PTPRK: variants seen among roughly 807,000 people sequenced by gnomAD.
PTPRK encodes receptor-type tyrosine-protein phosphatase kappa.
Under a neutral mutation model 178.0 loss-of-function variants are expected in PTPRK, and 75 were observed. The ratio of observed to expected loss-of-function variants is 0.42; its 90% CI spans 0.35 to 0.51. The LOEUF is 0.51. Ranked by LOEUF, PTPRK falls within the 20% of genes least tolerant of loss-of-function variation. PTPRK has a pLI of 0.02. For synonymous variants in PTPRK, 637 were observed against 620.6 expected, an observed-to-expected ratio of 1.03 and a Z score of -0.39; for missense variants, 1,441 against 1,797.8, an observed-to-expected ratio of 0.80 and a Z score of 3.59.
At chr6:128,287,788 A>G (rs551730062) in intron 3 of PTPRK, among the ~76,000 whole-genome samples, 1 of 152,092 alleles carries the variant, frequency 6.6e-6, no homozygotes, top group South Asian at 2.1e-4. Flanking sequence ...CTTTTCCTGG[A>G]TCTCATTCCG....
At chr6:128,079,586 T>C (rs1420733454) in intron 10 of PTPRK, among the ~76,000 whole-genome samples, 1 of 152,070 alleles carries the variant, frequency 6.6e-6, no homozygotes. Context: ...TTACCTCAAA[T>C]AGCTTTGGAT....
intron 1 of PTPRK, among the ~76,000 whole-genome samples, chr6:128,512,517 C>CT (rs1329174279): frequency 6.6e-6 from 1 of 152,158 alleles, no homozygotes; most frequent in Non-Finnish European, 1.5e-5. Flanking sequence ...AGAGACAACA[C>CT]TGTTGAAACA....
intron 1 of PTPRK, among the ~76,000 whole-genome samples, chr6:128,509,991 T>G (rs2128442594): frequency 6.6e-6 from 1 of 152,300 alleles, no homozygotes; most frequent in Non-Finnish European, 1.5e-5. Flanking sequence ...TATTACAAAC[T>G]TCATCATTTA....
chr6:128,402,893 G>A lies in PTPRK; in HGVS notation c.101-5205C>T, dbSNP rs558823864. On this transcript the variant is annotated intron_variant, in intron 1 of 29. Transcript: ENST00000368226. ...GAAGAAAACAGAAAATTTATGAATA[G>A]GAGTTCTTTAAATAATAATCACTTG... is the stretch of plus-strand genomic sequence containing the variant. 3.3e-5 allele frequency among the ~76,000 whole-genome samples: 5 copies of A among 152,238 alleles called. No homozygotes were observed. In the South Asian group the frequency reaches 1.0e-3, roughly 32 times the overall value.
chr6:128,266,315 C>A (rs1422276330), intron 3 of PTPRK, among the ~76,000 whole-genome samples: 2 of 152,050 alleles, frequency 1.3e-5, no homozygotes, highest in Admixed American at 6.6e-5. Flanking sequence ...TGCACAGTGG[C>A]ACATAGCAAA....
chr6:128,437,627 G>A (rs6939023), intron 1 of PTPRK, among the ~76,000 whole-genome samples: 1 of 152,028 alleles, frequency 6.6e-6, no homozygotes, highest in Non-Finnish European at 1.5e-5. Context: ...TTATTTAGGC[G>A]GTAATTAAGC....
At chr6:128,344,075 T>C (rs1225884238) in intron 2 of PTPRK, among the ~76,000 whole-genome samples, 1 of 152,234 alleles carries the variant, frequency 6.6e-6, no homozygotes, top group African/African-American at 2.4e-5. Context: ...AGAACATGTT[T>C]ATTCTATCAA....
At chr6:128,430,000 G>T (rs757483501) in intron 1 of PTPRK, among the ~76,000 whole-genome samples, 7 of 152,178 alleles carry the variant, frequency 4.6e-5, no homozygotes, top group Non-Finnish European at 7.4e-5. Flanking sequence ...TAGTTTGTAA[G>T]AGATTTTACA....
At chr6:128,349,879 A>G (rs148816347) in intron 2 of PTPRK, among the ~76,000 whole-genome samples, 357 of 152,264 alleles carry the variant, frequency 2.3e-3, no homozygotes, top group Middle Eastern at 6.8e-3. Context: ...TCAGGTGACC[A>G]CATAAGTCTT....
At chr6:127,987,275 G>GT (rs1554260297) in intron 21 of PTPRK, among the ~76,000 whole-genome samples, 14 of 149,350 alleles carry the variant, frequency 9.4e-5, no homozygotes, top group Non-Finnish European at 3.0e-5. Flanking sequence ...TAAATAACAA[G>GT]AAAAAAAAAT....
At chr6:127,995,285 T>C (rs549236459) in intron 18 of PTPRK, 177 bp downstream of exon 18, 14 of 1,606,888 alleles carry the variant, frequency 8.7e-6, no homozygotes, top group Non-Finnish European at 1.1e-5. Flanking sequence ...CAAACCAAAG[T>C]CAGGTGTGAA....
At chr6:128,219,146 A>C in intron 5 of PTPRK, 50 bp from the exon 6 acceptor site, 1 of 1,496,222 alleles carries the variant, frequency 6.7e-7, no homozygotes, top group Non-Finnish European at 9.2e-7. Flanking sequence ...ATTTTCATAA[A>C]TCTATAAAGC....
chr6:127,974,196 T>C (rs961016680), intron 27 of PTPRK, among the ~76,000 whole-genome samples: 4 of 152,206 alleles, frequency 2.6e-5, no homozygotes, highest in Non-Finnish European at 5.9e-5. Context: ...TTGATCTCCT[T>C]CCAGTCCATT....
intron 7 of PTPRK, among the ~76,000 whole-genome samples, chr6:128,115,864 C>T (rs562053342): frequency 6.5e-4 from 99 of 152,056 alleles, no homozygotes; most frequent in African/African-American, 2.2e-3. Context: ...TTCTTTTACT[C>T]TCCCATATTT....
At chr6:128,238,073 T>C in intron 5 of PTPRK, 1 of 443,870 alleles carries the variant, frequency 2.3e-6, no homozygotes, top group South Asian at 1.6e-5. Flanking sequence ...TTGAAAAAGG[T>C]AAAATAGCTT....
At chr6:128,156,489 G>GAT (rs1797970655) in intron 7 of PTPRK, among the ~76,000 whole-genome samples, 1 of 151,886 alleles carries the variant, frequency 6.6e-6, no homozygotes, top group African/African-American at 2.4e-5. Flanking sequence ...GCAAGAGAGA[G>GAT]AGAGAGACAG....
At chr6:128,449,710 T>A (rs1280994715) in intron 1 of PTPRK, among the ~76,000 whole-genome samples, 2 of 152,200 alleles carry the variant, frequency 1.3e-5, no homozygotes, top group African/African-American at 4.8e-5. Context: ...ACTCAGTAAC[T>A]GAAAAGTCTA....
chr6:128,073,255 A>T (rs1230859470), intron 11 of PTPRK, among the ~76,000 whole-genome samples: 1 of 152,062 alleles, frequency 6.6e-6, no homozygotes, highest in Non-Finnish European at 1.5e-5. Flanking sequence ...TAATGAAGAT[A>T]GTAGCAAAAG....
At chr6:128,311,904 A>G (rs981192505) in intron 3 of PTPRK, among the ~76,000 whole-genome samples, 13 of 152,134 alleles carry the variant, frequency 8.5e-5, no homozygotes, top group African/African-American at 2.9e-4. Context: ...CACTCCTATC[A>G]CAAAAACAGG....
Sources: allele counts gnomAD v4.1 joint callset (sites outside exome capture counted in the v4.1 genomes callset), GRCh38; gene constraint gnomAD v4.1.1; transcripts MANE v1.5; gene names NCBI Gene and HGNC (gene_info 2026-07-23, HGNC 2026-07-21).